Variants in FERMT3 observed in about 807,000 individuals in gnomAD.
FERMT3 encodes the protein FERM domain containing kindlin 3, also known as fermitin family homolog 3.
In FERMT3, 33 loss-of-function variants were observed where a neutral mutation model predicts 80.8. That is an observed-to-expected ratio of 0.41 (90% CI 0.31 to 0.55). The LOEUF is 0.55. Ranked by LOEUF, FERMT3 falls within the 20% of genes least tolerant of loss-of-function variation. The pLI is 0.31. For synonymous variants in FERMT3, 375 were observed against 372.2 expected, an observed-to-expected ratio of 1.01 and a Z score of -0.09; for missense variants, 754 against 908.7, an observed-to-expected ratio of 0.83 and a Z score of 2.19.
At position 64,220,655 on chromosome 11, in the gene FERMT3, T is replaced by C; in HGVS notation, c.1531T>C (p.Phe511Leu). Residue 511 changes from phenylalanine (F) to leucine (L), a missense_variant, in exon 12 of 15, where the codon TTC (phenylalanine) becomes CTC (leucine). By Grantham distance (22) the Phe-to-Leu change is conservative. Coordinates refer to ENST00000345728, the MANE Select transcript of FERMT3 (RefSeq NM_031471.6). ...CGTTGCCCCCCGTTTCCAGCGAAAG[T>C]TCAAGGCCAAGCAGGTACCAGAAGG... ...GLVAPRFQRKFKAKQLTPRIL... is the reference protein window; with the variant it reads ...GLVAPRFQRKLKAKQLTPRIL... 6.2e-7 allele frequency: 1 copy of C among 1,611,128 alleles called. No individual in the cohort carries two copies.
Position 64,220,841 on chromosome 11 carries a change from G to A in FERMT3, c.1545+172G>A, listed in dbSNP as rs1946665650. On this transcript the variant is annotated intron_variant, in intron 12 of 14. Transcript: ENST00000345728. Reference sequence around the variant, plus strand: ...CCCTTTGGGAGGAGTCACGGTCCAGGTGCCCATGTCCACCTTGCAGCCTGG... The same window carrying A: ...CCCTTTGGGAGGAGTCACGGTCCAGATGCCCATGTCCACCTTGCAGCCTGG... 6.7e-6 allele frequency: 9 copies of A among 1,349,442 alleles called. No homozygotes were observed. In the East Asian group the frequency reaches 1.4e-4, roughly 21 times the overall value. 83.6% of individuals were successfully genotyped at this position (1,349,442 alleles called of 1,614,324 possible). A position where few individuals can be genotyped will look rare whatever the true frequency, so the allele number is the denominator to read the frequency against.
chr11:64,219,238 C>G lies in FERMT3; in HGVS notation c.787-13C>G, dbSNP rs777951452. The G allele has an allele frequency of 6.4e-7, 1 of 1,571,388 alleles. No homozygotes were observed. On this transcript the variant is annotated splice_polypyrimidine_tract_variant and intron_variant, in intron 6 of 14. Transcript: ENST00000345728. The surrounding 1 kb of genome is among the most constrained non-coding windows in gnomAD (Gnocchi z 4.0). ...ACCAGCCCAGCCTCCAGCCTCCTCT[C>G]CCCCCGCTCCAGACAGACCCCGTGC... is the stretch of plus-strand genomic sequence containing the variant.
chr11:64,222,033 G>A (rs1300655322), intron 13 of FERMT3, among the ~76,000 whole-genome samples: 1 of 151,994 alleles, frequency 6.6e-6, no homozygotes, highest in Non-Finnish European at 1.5e-5. Flanking sequence ...GAGGTCAGGA[G>A]TGTGAGACCA....
Position 64,210,878 on chromosome 11 carries a change from G to C in FERMT3, c.394+34G>C. The C allele has an allele frequency of 6.2e-7, 1 of 1,609,666 alleles. No homozygotes were observed. The highest frequency in any genetic ancestry group is 8.5e-7 in the Non-Finnish European group (1 of 1,179,744). On this transcript the variant is annotated intron_variant, in intron 3 of 14. Coordinates refer to ENST00000345728, the MANE Select transcript of FERMT3 (RefSeq NM_031471.6). This position sits in a 1 kb window ranked among gnomAD's most constrained non-coding sequence, Gnocchi z 4.3. ...CCCGGCTGATTCCCCTGGCCCACGA[G>C]GGTGATGCAAAGAGGCAGGTTCCCC... is the stretch of plus-strand genomic sequence containing the variant.
At position 64,210,802 on chromosome 11, in the gene FERMT3, C is replaced by T; in HGVS notation, c.352C>T (p.Gln118Ter). Residue 118 changes from glutamine to a stop codon, truncating the protein, a stop_gained, in exon 3 of 15, where the codon CAG becomes TAG. Transcript: ENST00000345728. LOFTEE classifies it high-confidence loss of function. The surrounding 1 kb of genome is among the most constrained non-coding windows in gnomAD (Gnocchi z 4.3). ...ACTGCGCCTCCGTGCCAGCTTCTCC[C>T]AGCCCCTCTTCCAGGCTGTGGCTGC... is the stretch of plus-strand genomic sequence containing the variant. ...RALRLRASFS[Q>*]PLFQAVAAIC... The T allele has an allele frequency of 1.2e-6, 2 of 1,613,810 alleles. No individual in the cohort carries two copies. Among genetic ancestry groups the T allele is most frequent in the Non-Finnish European group, 1.7e-6 (2 of 1,180,012 alleles).
At chr11:64,222,115 T>C (rs1946699523) in intron 13 of FERMT3, among the ~76,000 whole-genome samples, 1 of 150,834 alleles carries the variant, frequency 6.6e-6, no homozygotes, top group South Asian at 2.1e-4. Context: ...GGCAGGCGCC[T>C]ATAATCCCAG....
rs1285281793 is a variant in FERMT3 at position 64,207,393 on chromosome 11, A to T, written c.29A>T (p.Asp10Val). 6.2e-7 allele frequency: 1 copy of T among 1,614,018 alleles called. No homozygotes were observed. Among genetic ancestry groups the T allele is most frequent in the Non-Finnish European group, 8.5e-7 (1 of 1,180,034 alleles). ...GCGGGGATGAAGACAGCCTCCGGGGACTACATCGACTCGTCATGGGAGCTG... is the reference window on the plus strand; with the variant it reads ...GCGGGGATGAAGACAGCCTCCGGGGTCTACATCGACTCGTCATGGGAGCTG... MAGMKTASG[D>V]YIDSSWELRV... Residue 10 changes from aspartate (D) to valine (V), a missense_variant, in exon 2 of 15, where the codon GAC becomes GTC. By Grantham distance (152) the Asp-to-Val change is radical (BLOSUM62 -3). Coordinates refer to ENST00000345728, the MANE Select transcript of FERMT3 (RefSeq NM_031471.6).
At chr11:64,213,854 G>A (rs372877809) in intron 6 of FERMT3, among the ~76,000 whole-genome samples, 42 of 152,288 alleles carry the variant, frequency 2.8e-4, no homozygotes, top group African/African-American at 8.9e-4. Flanking sequence ...GAGCCACGGC[G>A]TCGGGCCAGC....
rs1280281234 is a variant in FERMT3, at chr11:64,211,497, C to T, written c.683+54C>T. On this transcript the variant is annotated intron_variant, in intron 5 of 14. Coordinates refer to ENST00000345728, the MANE Select transcript of FERMT3 (RefSeq NM_031471.6). The surrounding 1 kb of genome is among the most constrained non-coding windows in gnomAD (Gnocchi z 4.7). ...CAGGGCTCCCCCACCCAGGATCCAC[C>T]CCCTGTCCCGTGTCTGTGCCCACCC... is the stretch of plus-strand genomic sequence containing the variant. 2.0e-6 allele frequency: 3 copies of T among 1,534,728 alleles called. No individual in the cohort carries two copies. Among genetic ancestry groups the T allele is most frequent in the Non-Finnish European group, 2.6e-6 (3 of 1,142,150 alleles).
At chr11:64,209,217 T>A (rs882147) in intron 2 of FERMT3, among the ~76,000 whole-genome samples, 60,074 of 151,838 alleles carry the variant, frequency 0.4, 12,193 homozygotes, top group Admixed American at 0.51. Context: ...TGAGCTGAGC[T>A]CCAAAAGCCG....
chr11:64,211,258 C>G lies in FERMT3; in HGVS notation c.515-17C>G, dbSNP rs1487637344. The G allele has an allele frequency of 6.2e-7, 1 of 1,612,926 alleles. No individual in the cohort carries two copies. Among genetic ancestry groups the G allele is most frequent in the East Asian group, 2.2e-5 (1 of 44,878 alleles). On this transcript the variant is annotated splice_polypyrimidine_tract_variant and intron_variant, in intron 4 of 14. Coordinates refer to ENST00000345728, the MANE Select transcript of FERMT3 (RefSeq NM_031471.6). This position sits in a 1 kb window ranked among gnomAD's most constrained non-coding sequence, Gnocchi z 4.7. ...CCCTGGGGGACAGGCCTGGTTGACT[C>G]CCAACCTGCACTCCAGGCGTGGCAC...
chr11:64,208,843 G>A (rs189139555), intron 2 of FERMT3, among the ~76,000 whole-genome samples: 4 of 152,296 alleles, frequency 2.6e-5, no homozygotes, highest in African/African-American at 7.2e-5. Flanking sequence ...GCATGGCCCC[G>A]AAGGCCTCCA....
chr11:64,220,248 C>G lies in FERMT3; in HGVS notation c.1233C>G (p.Val411=), dbSNP rs1445117120. 6.2e-7 allele frequency: 1 copy of G among 1,613,954 alleles called. No individual in the cohort carries two copies. Among genetic ancestry groups the G allele is most frequent in the East Asian group, 2.2e-5 (1 of 44,886 alleles). Residue 411 remains valine, a synonymous_variant, in exon 11 of 15, where the codon GTC becomes GTG. Transcript: ENST00000345728. Reference sequence around the variant, plus strand: ...GTGAGGTGGTTCCCGATGTTAACGTCTCCGGCCAGAAGTTCTGCATTAAAC... The same window carrying G: ...GTGAGGTGGTTCCCGATGTTAACGTGTCCGGCCAGAAGTTCTGCATTAAAC... ...KGCEVVPDVN[V]SGQKFCIKLL... is the part of the protein sequence containing the mutation.
chr11:64,220,383 G>A (rs1038951202), intron 11 of FERMT3, 53 bp from the exon 12 acceptor site: 11 of 1,608,708 alleles, frequency 6.8e-6, no homozygotes, highest in Non-Finnish European at 9.3e-6. Context: ...AGGGGCAGGG[G>A]CTGAGGAGCA....
intron 2 of FERMT3, among the ~76,000 whole-genome samples, chr11:64,208,288 C>G (rs1320451075): frequency 6.6e-6 from 1 of 152,176 alleles, no homozygotes; most frequent in Admixed American, 6.5e-5. Flanking sequence ...GTGAGGGGAG[C>G]TGCCAGGGGC....
upstream of FERMT3, among the ~76,000 whole-genome samples, chr11:64,206,225 G>A (rs1042043159): frequency 1.3e-5 from 2 of 152,198 alleles, no homozygotes; most frequent in Non-Finnish European, 1.5e-5. Flanking sequence ...GTAGCCCTAC[G>A]CGGAGCTAGG....
rs374679286 is a variant in FERMT3 at position 64,211,780 on chromosome 11, G to T, written c.786+33G>T. On this transcript the variant is annotated intron_variant, in intron 6 of 14. Transcript: ENST00000345728. This position sits in a 1 kb window ranked among gnomAD's most constrained non-coding sequence, Gnocchi z 4.7. ...GGGGCAGGGAGAAAGCGGGCCTCAG[G>T]TCCATGAGATGTGGAGACCTAGGGC... is the stretch of plus-strand genomic sequence containing the variant. 58 of 1,605,746 alleles carry T rather than the reference G, an allele frequency of 3.6e-5. 1 individual carries two copies. The East Asian group carries it at 7.1e-4, about 20-fold the overall frequency.
chr11:64,222,955 A>G, intron 13 of FERMT3, 93 bp from the exon 14 acceptor site: 3 of 1,554,846 alleles, frequency 1.9e-6, no homozygotes, highest in South Asian at 2.3e-5. Context: ...GCAGTCGGGA[A>G]GGGCTGGCTC....
chr11:64,212,290 A>G (rs1946460056), intron 6 of FERMT3, among the ~76,000 whole-genome samples: 1 of 152,212 alleles, frequency 6.6e-6, no homozygotes, highest in Non-Finnish European at 1.5e-5. Flanking sequence ...GCACATCTCA[A>G]AAACTTCCCA....
Sources: gnomAD v4.1 joint callset for allele counts (sites outside exome capture counted in the v4.1 genomes callset) on GRCh38, gnomAD v4.1.1 for gene constraint, Gnocchi (gnomAD v3.1) non-coding constraint, MANE v1.5 for transcripts, NCBI Gene and HGNC (gene_info 2026-07-23, HGNC 2026-07-21) for gene names.